C3: variants seen among roughly 807,000 people sequenced by gnomAD.
C3 encodes C3 and PZP-like alpha-2-macroglobulin domain-containing protein 1.
Under a neutral mutation model 207.9 loss-of-function variants are expected in C3, and 97 were observed. The ratio of observed to expected loss-of-function variants is 0.47; its 90% confidence interval spans 0.40 to 0.55. The LOEUF is 0.55. Ranked by LOEUF, C3 falls within the 20% of genes least tolerant of loss-of-function variation. C3 has a pLI of 0.00. For synonymous variants in C3, 848 were observed against 857.6 expected (o/e 0.99, Z 0.20); for missense variants, 1,684 against 2,171.7 (o/e 0.78, Z 4.46).
chr19:6,693,361 G>A, intron 25 of C3, 51 bp downstream of exon 25: 1 of 1,541,200 alleles, frequency 6.5e-7, no homozygotes. Context: ...GGCCCTGCTG[G>A]GGGTTGAGGG....
intron 13 of C3, 58 bp downstream of exon 13, chr19:6,710,573 GGAGAGAGA>G (rs112132860): frequency 3.9e-6 from 4 of 1,029,146 alleles, no homozygotes; most frequent in Admixed American, 2.1e-5. Context: ...GAGGAGACAG[GGAGAGAGA>G]GAGAGAGAGA....
At chr19:6,682,301 G>A (rs1917885693) in intron 33 of C3, 72 bp from the exon 34 acceptor site, 2 of 1,178,728 alleles carry the variant, frequency 1.7e-6, no homozygotes, top group East Asian at 4.7e-5. Flanking sequence ...CCTGGACAAG[G>A]AGGTCTGATC....
chr19:6,693,037 T>C lies in C3; in HGVS notation c.3277A>G (p.Ile1093Val), dbSNP rs1477952587. 1 of 1,614,140 alleles carries C rather than the reference T, an allele frequency of 6.2e-7. No individual in the cohort carries two copies. Among genetic ancestry groups the C allele is most frequent in the Admixed American group, 1.7e-5 (1 of 60,024 alleles). ...CAGAGGACTTGGGAGTCGATGGCGATGAGGTTGACAGCCAGAGAGAAGACC... is the reference window on the plus strand; with the variant it reads ...CAGAGGACTTGGGAGTCGATGGCGACGAGGTTGACAGCCAGAGAGAAGACC... ...VKVFSLAVNL[I>V]AIDSQVLCGA... Residue 1093 changes from isoleucine (I) to valine (V), a missense_variant, in exon 26 of 41, where the codon ATC becomes GTC. This residue lies in a region of C3 where 1,280 missense variants were observed against 1,739.1 expected (regional missense o/e 0.74). Coordinates refer to ENST00000245907, the MANE Select transcript of C3 (RefSeq NM_000064.4).
At chr19:6,686,492 A>G (rs1380230043) in intron 28 of C3, 1 of 709,562 alleles carries the variant, frequency 1.4e-6, no homozygotes, top group African/African-American at 1.8e-5. Context: ...AATGCTTAAT[A>G]CGCATTTGTT....
At chr19:6,715,126 A>G (rs547338570) in intron 4 of C3, among the ~76,000 whole-genome samples, 1 of 152,290 alleles carries the variant, frequency 6.6e-6, no homozygotes, top group African/African-American at 2.4e-5. Context: ...ATCATGAGAC[A>G]TCATTGCACC....
In C3 at chr19:6,709,862, G is replaced by T; in HGVS notation, c.1687-20C>A. On this transcript the variant is annotated intron_variant, in intron 13 of 40. Coordinates refer to ENST00000245907, the MANE Select transcript of C3 (RefSeq NM_000064.4). The stretch of plus-strand genomic sequence containing the variant: ...CACCAGCTGTGGGGAGGGTGGAGAC[G>T]CCGAAAGAAGTCAGCCCTGGGAGAG... 1 of 1,611,446 alleles carries T rather than the reference G, an allele frequency of 6.2e-7. No homozygotes were observed. The highest frequency in any genetic ancestry group is 8.5e-7 in the Non-Finnish European group (1 of 1,178,870).
chr19:6,711,046 T>C lies in C3; in HGVS notation c.1420A>G (p.Asn474Asp), dbSNP rs1206322807. 1 of 1,614,076 alleles carries C rather than the reference T, an allele frequency of 6.2e-7. No individual in the cohort carries two copies. Among genetic ancestry groups the C allele is most frequent in the East Asian group, 2.2e-5 (1 of 44,870 alleles). The change falls in exon 12 of 41, where the codon AAC becomes GAC. Residue 474 changes from asparagine (N) to aspartate (D), a missense_variant. Physicochemically the swap from Asn to Asp is conservative, Grantham distance 23 (BLOSUM62 1). This residue lies in a region of C3 where 1,280 missense variants were observed against 1,739.1 expected (regional missense o/e 0.74). Coordinates refer to ENST00000245907, the MANE Select transcript of C3 (RefSeq NM_000064.4). Reference protein sequence around the residue: ...ELRPGETLNVNFLLRMDRAHE... With the variant: ...ELRPGETLNVDFLLRMDRAHE... ...GCGCGGTCCATTCGCAGGAGGAAGT[T>C]GACGTTGAGGGTCTCCCCGGGTCTG...
At chr19:6,688,990 T>G (rs375287969) in intron 27 of C3, among the ~76,000 whole-genome samples, 7 of 152,330 alleles carry the variant, frequency 4.6e-5, no homozygotes, top group African/African-American at 1.7e-4. Flanking sequence ...AGCCATATTC[T>G]GCCTGAACTG....
At chr19:6,708,390 G>A (rs906876780) in intron 14 of C3, among the ~76,000 whole-genome samples, 1 of 152,004 alleles carries the variant, frequency 6.6e-6, no homozygotes, top group Admixed American at 6.6e-5. Context: ...GCCTGTCTTG[G>A]CCTCCCAAAG....
chr19:6,702,010 A>G, intron 19 of C3, 117 bp downstream of exon 19: 1 of 725,968 alleles, frequency 1.4e-6, no homozygotes, highest in Non-Finnish European at 2.5e-6. Context: ...TGTGGTAACC[A>G]GGGCAGAGAA....
At chr19:6,679,760 A>T (rs1332574292) in intron 36 of C3, among the ~76,000 whole-genome samples, 2 of 151,420 alleles carry the variant, frequency 1.3e-5, no homozygotes, top group African/African-American at 4.9e-5. Flanking sequence ...CAGGCCTCCA[A>T]CCCTCATATA....
At chr19:6,678,618 T>C (rs954271419) in intron 38 of C3, among the ~76,000 whole-genome samples, 163 bp from the exon 39 acceptor site, 10 of 151,872 alleles carry the variant, frequency 6.6e-5, no homozygotes, top group South Asian at 6.2e-4. Flanking sequence ...CACACAACCA[T>C]AGAGGGTCCC....
At position 6,712,255 on chromosome 19, in the gene C3, A is replaced by C. The variant is rs1967935209; in HGVS notation, c.1269+2T>G. The C allele has an allele frequency of 1.2e-6, 2 of 1,613,592 alleles. No homozygotes were observed. Among genetic ancestry groups the C allele is most frequent in the Non-Finnish European group, 1.7e-6 (2 of 1,179,996 alleles). On this transcript the variant is annotated splice_donor_variant, in intron 11 of 40. Transcript: ENST00000245907. LOFTEE classifies it high-confidence loss of function. ...GGGTTCCGAGGCTGGGCCCAGACGC[A>C]CCGTGATGCTCAAGGGCTTCTGGCT...
At chr19:6,684,130 C>G in intron 33 of C3, 1 of 552,940 alleles carries the variant, frequency 1.8e-6, no homozygotes, top group South Asian at 2.0e-5. Context: ...CTTTAAAGGT[C>G]ATGGAATGAT....
At position 6,697,689 on chromosome 19, in the gene C3, G is replaced by A. The variant is rs1568217603; in HGVS notation, c.2546C>T (p.Ala849Val). Residue 849 changes from alanine to valine, a missense_variant, in exon 20 of 41, where the codon GCC becomes GTC. By Grantham distance (64) the Ala-to-Val change is moderately conservative. Around this residue, in one of 3 missense-constraint regions of C3, gnomAD observed 1,280 missense variants for 1,739.1 expected, o/e 0.74. Transcript: ENST00000245907. ...VVRNEQVEIR[A>V]VLYNYRQNQE... ...GTTCTGCCGGTAATTGTAGAGAACG[G>A]CTCGGATTTCCACCTGCTCGTTTCG... is the stretch of plus-strand genomic sequence containing the variant. The A allele has an allele frequency of 1.2e-6, 2 of 1,614,112 alleles. No homozygotes were observed. The highest frequency in any genetic ancestry group is 1.7e-6 in the Non-Finnish European group (2 of 1,180,008).
intron 33 of C3, chr19:6,682,772 A>G (rs1917897308): frequency 1.2e-5 from 2 of 170,426 alleles, no homozygotes; most frequent in South Asian, 2.8e-4. Flanking sequence ...TCTGCTCTTC[A>G]ATTTATGCAC....
At chr19:6,678,724 G>C (rs1170887558) in intron 38 of C3, among the ~76,000 whole-genome samples, 1 of 152,014 alleles carries the variant, frequency 6.6e-6, no homozygotes, top group Non-Finnish European at 1.5e-5. Context: ...TATGCAATGA[G>C]AGTGACTCAT....
At chr19:6,720,275 A>T (rs1968134942) in intron 1 of C3, among the ~76,000 whole-genome samples, 1 of 151,982 alleles carries the variant, frequency 6.6e-6, no homozygotes, top group Non-Finnish European at 1.5e-5. Flanking sequence ...AAACACCCAA[A>T]CTCACAGGCA....
intron 35 of C3, among the ~76,000 whole-genome samples, chr19:6,681,340 TA>T (rs71177112): frequency 0.094 from 8,918 of 94,980 alleles, 316 homozygotes; most frequent in African/African-American, 0.14. Flanking sequence ...AGGCTGCAGT[TA>T]AAAAAAAAAA....
Sources: gnomAD v4.1 joint callset for allele counts (sites outside exome capture counted in the v4.1 genomes callset) on GRCh38, gnomAD v4.1.1 for gene constraint, gnomAD v4.1.1 regional missense constraint, MANE v1.5 for transcripts, NCBI Gene and HGNC (gene_info 2026-07-23, HGNC 2026-07-21) for gene names.